Variants in RAB11FIP4 observed in about 807,000 individuals in gnomAD.
RAB11FIP4 encodes rab11 family-interacting protein 4.
A neutral mutation model predicts 74.3 loss-of-function variants in RAB11FIP4; 23 were observed. That is an observed-to-expected ratio of 0.31 (90% confidence interval 0.22 to 0.44). The LOEUF is 0.44. RAB11FIP4 is among the 20% of genes least tolerant of loss of function. RAB11FIP4 has a pLI of 1.00. For synonymous variants in RAB11FIP4, 360 were observed against 359.9 expected, an observed-to-expected ratio of 1.00 and a Z score of 0.00; for missense variants, 630 against 863.9, an observed-to-expected ratio of 0.73 and a Z score of 3.39.
At chr17:31,500,608 T>C (rs928060078) in intron 3 of RAB11FIP4, among the ~76,000 whole-genome samples, 30 of 152,376 alleles carry the variant, frequency 2.0e-4, no homozygotes, top group Admixed American at 1.9e-3. Context: ...ATTTGTCTTA[T>C]AACTATACTA....
chr17:31,481,522 G>A (rs765169993), intron 3 of RAB11FIP4, among the ~76,000 whole-genome samples: 4 of 152,180 alleles, frequency 2.6e-5, no homozygotes, highest in African/African-American at 7.2e-5. Context: ...AGGAGGTGGG[G>A]AGGGTGAGGT....
intron 3 of RAB11FIP4, 40 bp downstream of exon 3, chr17:31,434,162 C>G: frequency 1.4e-6 from 2 of 1,480,620 alleles, no homozygotes; most frequent in South Asian, 1.2e-5. Context: ...ATGGCTCTGC[C>G]TCCTCCTTCT....
At chr17:31,508,285 C>A (rs1467615086) in intron 3 of RAB11FIP4, among the ~76,000 whole-genome samples, 1 of 152,198 alleles carries the variant, frequency 6.6e-6, no homozygotes, top group Non-Finnish European at 1.5e-5. Flanking sequence ...TGGTCTGCAT[C>A]CTAATGGGCT....
At chr17:31,439,439 G>C (rs2071388847) in intron 3 of RAB11FIP4, among the ~76,000 whole-genome samples, 1 of 152,224 alleles carries the variant, frequency 6.6e-6, no homozygotes, top group Non-Finnish European at 1.5e-5. Context: ...GCCCATTGCT[G>C]CCGTCCTCTG....
chr17:31,496,738 C>T (rs771927531), intron 3 of RAB11FIP4, among the ~76,000 whole-genome samples: 38 of 152,224 alleles, frequency 2.5e-4, no homozygotes, highest in Non-Finnish European at 4.9e-4. Flanking sequence ...GCTGTGGTCC[C>T]TGCAAGCTTC....
intron 1 of RAB11FIP4, among the ~76,000 whole-genome samples, chr17:31,417,754 C>T (rs2071162014): frequency 6.6e-6 from 1 of 152,158 alleles, no homozygotes; most frequent in African/African-American, 2.4e-5. Context: ...AGCTGTCGCT[C>T]ATTGTTGCTG....
chr17:31,501,902 T>A (rs2072228989), intron 3 of RAB11FIP4: 1 of 154,668 alleles, frequency 6.5e-6, no homozygotes, highest in Non-Finnish European at 1.5e-5. Context: ...TGGATCACTT[T>A]GCACCATCAT....
chr17:31,469,160 C>T (rs752792502), intron 3 of RAB11FIP4, among the ~76,000 whole-genome samples: 1 of 152,184 alleles, frequency 6.6e-6, no homozygotes, highest in African/African-American at 2.4e-5. Flanking sequence ...ATGCTGTGCA[C>T]CTGACACATG....
chr17:31,508,129 G>A (rs1431958280), intron 3 of RAB11FIP4, among the ~76,000 whole-genome samples: 3 of 152,178 alleles, frequency 2.0e-5, no homozygotes, highest in Non-Finnish European at 2.9e-5. Flanking sequence ...TGCCCGGCCC[G>A]TTTTTAACTC....
chr17:31,451,456 C>T (rs1248177048), intron 3 of RAB11FIP4, among the ~76,000 whole-genome samples: 3 of 79,132 alleles, frequency 3.8e-5, no homozygotes, highest in Non-Finnish European at 6.9e-5. Flanking sequence ...GAGACTCCAT[C>T]TCAAAAAAAA....
intron 3 of RAB11FIP4, among the ~76,000 whole-genome samples, chr17:31,502,838 G>A (rs943870082): frequency 9.2e-5 from 14 of 152,132 alleles, no homozygotes; most frequent in African/African-American, 3.4e-4. Flanking sequence ...CTAGCATCAA[G>A]GTGTCAGCAG....
Position 31,530,410 on chromosome 17 carries a change from G to T in RAB11FIP4, c.1738G>T (p.Ala580Ser), listed in dbSNP as rs556988319. ...CCTCTACGAAGCAAAAAACCTCTTT[G>T]CTGCCCAGACTAAAGCCCAGTCTCT... ...LSLYEAKNLF[A>S]AQTKAQSLAA... The change falls in exon 14 of 15, where the codon GCT (alanine) becomes TCT (serine). Residue 580 changes from alanine (A) to serine (S), a missense_variant. Physicochemically the swap from Ala to Ser is moderately conservative, Grantham distance 99. Transcript: ENST00000621161. The T allele has an allele frequency of 1.5e-5, 24 of 1,614,154 alleles. 1 individual carries two copies. In the South Asian group the frequency reaches 2.5e-4, roughly 17 times the overall value.
intron 1 of RAB11FIP4, among the ~76,000 whole-genome samples, chr17:31,402,680 G>A (rs1313090108): frequency 2.0e-5 from 3 of 151,146 alleles, no homozygotes; most frequent in African/African-American, 7.3e-5. Flanking sequence ...GGCGTGCAGT[G>A]GCGCAATCTT....
Position 31,517,710 on chromosome 17 carries a change from CT to C in RAB11FIP4, c.402del (p.Glu136ArgfsTer7). The C allele has an allele frequency of 6.2e-7, 1 of 1,606,208 alleles. No homozygotes were observed. The highest frequency in any genetic ancestry group is 1.7e-5 in the Admixed American group (1 of 58,842). On this transcript the variant is annotated frameshift_variant, in exon 4 of 15. Transcript: ENST00000621161. LOFTEE classifies it high-confidence loss of function. ...DGELIPREPG[F>X]FPEDEEEAMT... ...GCGAGCTCATCCCCAGGGAACCCGG[CT>C]TTTTTCCCGAGGACGAGGAGGAGGC...
At chr17:31,523,753 C>A in intron 8 of RAB11FIP4, 140 bp from the exon 9 acceptor site, 1 of 985,416 alleles carries the variant, frequency 1.0e-6, no homozygotes, top group Non-Finnish European at 1.6e-6. Context: ...GTCACGTGTT[C>A]CCCACTCCCC....
intron 1 of RAB11FIP4, among the ~76,000 whole-genome samples, chr17:31,427,937 G>A (rs1272941106): frequency 6.6e-6 from 1 of 152,160 alleles, no homozygotes; most frequent in East Asian, 1.9e-4. Context: ...GCAATGTTGA[G>A]GAGGCTGGCA....
chr17:31,396,116 G>A (rs926703309), intron 1 of RAB11FIP4, among the ~76,000 whole-genome samples: 4 of 151,630 alleles, frequency 2.6e-5, no homozygotes, highest in South Asian at 2.1e-4. Context: ...CCTGGGAGGC[G>A]GAGGTTGCAG....
At chr17:31,446,035 C>CT (rs200468897) in intron 3 of RAB11FIP4, among the ~76,000 whole-genome samples, 2,041 of 141,818 alleles carry the variant, frequency 0.014, 17 homozygotes, top group Non-Finnish European at 0.022. Flanking sequence ...CTATTTTTTT[C>CT]TTTTTTTTTA....
chr17:31,403,957 G>A (rs1054554970), intron 1 of RAB11FIP4, among the ~76,000 whole-genome samples: 7 of 152,312 alleles, frequency 4.6e-5, no homozygotes, highest in Non-Finnish European at 7.3e-5. Context: ...CAGGATGGGC[G>A]GCCAGGGGCC....
Sources: allele counts gnomAD v4.1 joint callset (sites outside exome capture counted in the v4.1 genomes callset), GRCh38; gene constraint gnomAD v4.1.1; transcripts MANE v1.5; gene names NCBI Gene and HGNC (gene_info 2026-07-23, HGNC 2026-07-21).